The following CLUAP1 variants were observed in gnomAD, a reference collection of about 807,000 sequenced individuals.
CLUAP1 encodes intraflagellar transport 38, also known as clusterin-associated protein 1.
A neutral mutation model predicts 55.0 loss-of-function variants in CLUAP1; 50 were observed. The observed-to-expected ratio is 0.91, with a 90% CI of 0.72 to 1.15. The LOEUF (loss-of-function observed/expected upper bound fraction) is 1.15. Ranked by LOEUF, CLUAP1 falls within the 50% of genes most tolerant of loss-of-function variation. The pLI, the probability that CLUAP1 is intolerant of heterozygous loss-of-function variation, is 0.00. For synonymous variants in CLUAP1, 195 were observed against 175.4 expected (o/e 1.11, Z -0.88); for missense variants, 530 against 507.6 (o/e 1.04, Z -0.42).
chr16:3,514,863 T>A (rs1003105820), intron 5 of CLUAP1, among the ~76,000 whole-genome samples: 27 of 152,348 alleles, frequency 1.8e-4, no homozygotes, highest in African/African-American at 6.5e-4. Flanking sequence ...CTCATAACTA[T>A]ATCCACATTA....
intron 11 of CLUAP1, chr16:3,534,060 A>G (rs544338715): frequency 1.1e-4 from 16 of 152,326 alleles, no homozygotes; most frequent in African/African-American, 3.1e-4. Context: ...CAGGCATCCA[A>G]CACGTGTCTG....
upstream of CLUAP1, among the ~76,000 whole-genome samples, chr16:3,498,827 C>T (rs1009619599): frequency 1.3e-5 from 2 of 151,998 alleles, no homozygotes; most frequent in African/African-American, 4.8e-5. Flanking sequence ...ACCACTGGCA[C>T]TCCAGACTGG....
At chr16:3,504,930 A>C (rs191428765) in intron 2 of CLUAP1, 99 bp downstream of exon 2, 10 of 787,766 alleles carry the variant, frequency 1.3e-5, no homozygotes, top group Admixed American at 8.3e-5. Context: ...CAAAAGGGAA[A>C]GTTTTTGGAA....
intron 9 of CLUAP1, among the ~76,000 whole-genome samples, chr16:3,528,889 A>C (rs1439431534): frequency 6.6e-6 from 1 of 152,128 alleles, no homozygotes. Context: ...TCAGCCATTA[A>C]TTTTAATTGT....
chr16:3,512,266 T>G (rs1367714099), intron 4 of CLUAP1, 117 bp from the exon 5 acceptor site: 25 of 683,446 alleles, frequency 3.7e-5, no homozygotes, highest in Non-Finnish European at 6.4e-5. Flanking sequence ...GAGGCTGAGG[T>G]CGGAGGGTCA....
At chr16:3,505,526 G>C (rs2037487990) in intron 2 of CLUAP1, among the ~76,000 whole-genome samples, 1 of 127,650 alleles carries the variant, frequency 7.8e-6, no homozygotes, top group Admixed American at 9.2e-5. Context: ...CAGCCTGGGT[G>C]AAAGAGCGAG....
At chr16:3,527,601 G>A (rs1018647020) in intron 9 of CLUAP1, among the ~76,000 whole-genome samples, 1 of 152,074 alleles carries the variant, frequency 6.6e-6, no homozygotes, top group African/African-American at 2.4e-5. Flanking sequence ...TGGAGGGCCT[G>A]ACATCAGTCA....
chr16:3,529,446 A>T (rs569585764), intron 9 of CLUAP1, among the ~76,000 whole-genome samples: 2 of 73,056 alleles, frequency 2.7e-5, no homozygotes, highest in Non-Finnish European at 5.1e-5. Context: ...ATATTATATT[A>T]TATATTATTA....
At chr16:3,513,244 G>C (rs996966474) in intron 5 of CLUAP1, among the ~76,000 whole-genome samples, 2 of 152,168 alleles carry the variant, frequency 1.3e-5, no homozygotes, top group African/African-American at 2.4e-5. Context: ...TGGGCATTGG[G>C]AGTTTTCAGA....
chr16:3,519,228 C>T (rs1015910763), intron 6 of CLUAP1, among the ~76,000 whole-genome samples: 10 of 152,228 alleles, frequency 6.6e-5, no homozygotes, highest in Admixed American at 2.0e-4. Flanking sequence ...TTTACTCAGC[C>T]TCTGTTGCCC....
intron 4 of CLUAP1, among the ~76,000 whole-genome samples, chr16:3,509,451 G>A (rs1007061593): frequency 6.6e-6 from 1 of 152,184 alleles, no homozygotes; most frequent in Non-Finnish European, 1.5e-5. Flanking sequence ...CTGCTGAGCC[G>A]CCATCAGACC....
intron 8 of CLUAP1, among the ~76,000 whole-genome samples, chr16:3,523,586 G>A (rs1305949484): frequency 1.3e-5 from 2 of 152,198 alleles, no homozygotes; most frequent in East Asian, 3.8e-4. Flanking sequence ...GTGCCGACAT[G>A]GGGCCTGTGC....
intron 6 of CLUAP1, among the ~76,000 whole-genome samples, chr16:3,515,852 T>C (rs1483297186): frequency 1.3e-5 from 2 of 152,232 alleles, no homozygotes; most frequent in Admixed American, 1.3e-4. Context: ...TATTCAATAA[T>C]TTTAATAAAT....
chr16:3,515,384 A>G (rs571751800), intron 5 of CLUAP1, 124 bp from the exon 6 acceptor site: 57 of 648,552 alleles, frequency 8.8e-5, no homozygotes, highest in Admixed American at 5.0e-4. Flanking sequence ...GTGTTTTTGC[A>G]TCAGAGATCC....
intron 6 of CLUAP1, among the ~76,000 whole-genome samples, chr16:3,517,463 C>T (rs2037750749): frequency 6.6e-6 from 1 of 151,894 alleles, no homozygotes; most frequent in Admixed American, 6.6e-5. Flanking sequence ...TGCGCCACCA[C>T]GCCCAGCTAA....
At chr16:3,530,488 A>G in intron 9 of CLUAP1, 80 bp from the exon 10 acceptor site, 1 of 961,394 alleles carries the variant, frequency 1.0e-6, no homozygotes, top group East Asian at 2.5e-5. Context: ...TGACTTTTGC[A>G]CACAGACCTT....
In CLUAP1 at chr16:3,532,775, G is replaced by A; in HGVS notation, c.1037-11G>A. The A allele has an allele frequency of 1.2e-6, 2 of 1,613,860 alleles. No individual in the cohort carries two copies. The highest frequency in any genetic ancestry group is 1.7e-6 in the Non-Finnish European group (2 of 1,179,906). On this transcript the variant is annotated splice_polypyrimidine_tract_variant and intron_variant, in intron 10 of 11. Transcript: ENST00000576634. ...ATTTTTATGACTTCTTCATGCTTTT[G>A]TTGTTCTCAGGAAGACCTGGCAAAC...
At chr16:3,497,440 C>T (rs977528083), upstream of CLUAP1, among the ~76,000 whole-genome samples, 1 of 152,274 alleles carries the variant, frequency 6.6e-6, no homozygotes, top group Admixed American at 6.5e-5. Flanking sequence ...GAAAGCATCA[C>T]ATGTTCATGG....
intron 8 of CLUAP1, 87 bp downstream of exon 8, chr16:3,523,386 G>T: frequency 7.0e-7 from 1 of 1,422,166 alleles, no homozygotes. Flanking sequence ...ATATCATTGT[G>T]AAAAAAATAT....
Sources: gnomAD v4.1 joint callset for allele counts (sites outside exome capture counted in the v4.1 genomes callset) on GRCh38, gnomAD v4.1.1 for gene constraint, MANE v1.5 for transcripts, NCBI Gene and HGNC (gene_info 2026-07-23, HGNC 2026-07-21) for gene names.